The following HSF2 variants were observed in gnomAD, a reference collection of about 807,000 sequenced individuals.
The protein encoded by HSF2 is heat shock transcription factor 2, also known as heat shock factor protein 2.
Under a neutral mutation model 65.0 loss-of-function variants are expected in HSF2, and 21 were observed. That is an observed-to-expected ratio of 0.32 (90% CI 0.23 to 0.47). The LOEUF (loss-of-function observed/expected upper bound fraction) is 0.47, where lower values mean the gene tolerates loss of function less well. HSF2 is among the 20% of genes least tolerant of loss of function. The pLI, the probability that HSF2 is intolerant of heterozygous loss-of-function variation, is 1.00. For synonymous variants in HSF2, 225 were observed against 219.1 expected, an observed-to-expected ratio of 1.03 and a Z score of -0.24; for missense variants, 499 against 628.1, an observed-to-expected ratio of 0.79 and a Z score of 2.20.
Position 122,422,955 on chromosome 6 carries a change from A to C in HSF2, c.1068A>C (p.Gly356=), listed in dbSNP as rs757804166. 1.2e-6 allele frequency: 2 copies of C among 1,613,402 alleles called. No individual in the cohort carries two copies. The highest frequency in any genetic ancestry group is 2.2e-5 in the South Asian group (2 of 91,070). The change falls in exon 9 of 13, where the codon GGA becomes GGC. Residue 356 remains glycine, a splice_region_variant and synonymous_variant. Transcript: ENST00000368455. ...SILNDNINLL[G]KVELLDYLDS... ...TGAATGATAACATCAATCTTTTGGG[A>C]AAGTGAGTGCTTATCTAGATGTTGT...
In HSF2 at chr6:122,411,326, C is replaced by G. The variant is rs763403523; in HGVS notation, c.94-1047C>G. 4.6e-5 allele frequency among the ~76,000 whole-genome samples: 7 copies of G among 151,250 alleles called. No homozygotes were observed. The East Asian group carries it at 1.4e-3, about 29-fold the overall frequency. On this transcript the variant is annotated intron_variant, in intron 1 of 12. Coordinates refer to ENST00000368455, the MANE Select transcript of HSF2 (RefSeq NM_004506.4). ...GTTTGGGTTTTTTTTGTCTTTTGTT[C>G]TTTTTGAATTTTAAGAGTTATGTCT...
In HSF2 at chr6:122,432,179, C is replaced by A; in HGVS notation, c.1570C>A (p.Pro524Thr). Residue 524 changes from proline to threonine, a missense_variant, in exon 13 of 13, where the codon CCT becomes ACT. Transcript: ENST00000368455. Reference protein sequence around the residue: ...ATLFYLCELAPAPLDSDMPLL... With the variant: ...ATLFYLCELATAPLDSDMPLL... ...ACTGTTTTATTTATGTGAACTTGCT[C>A]CTGCACCTCTGGATAGTGATATGCC... 6.2e-7 allele frequency: 1 copy of A among 1,614,026 alleles called. No homozygotes were observed. The highest frequency in any genetic ancestry group is 8.5e-7 in the Non-Finnish European group (1 of 1,179,942).
Position 122,427,893 on chromosome 6 carries a change from G to A in HSF2, c.1177-10G>A. On this transcript the variant is annotated splice_polypyrimidine_tract_variant and intron_variant, in intron 10 of 12. Transcript: ENST00000368455. ...TTTAAACTTATCATCTTTCTTGTTT[G>A]GTCTTTCAGCTTTTCACTAGTTCTG... 1 of 1,577,150 alleles carries A rather than the reference G, an allele frequency of 6.3e-7. No homozygotes were observed. Among genetic ancestry groups the A allele is most frequent in the Non-Finnish European group, 8.7e-7 (1 of 1,154,716 alleles).
At chr6:122,414,143 C>T (rs1050515952) in intron 4 of HSF2, among the ~76,000 whole-genome samples, 3 of 152,146 alleles carry the variant, frequency 2.0e-5, no homozygotes, top group African/African-American at 4.8e-5. Flanking sequence ...ATACTTATTT[C>T]GTATAGACTT....
At position 122,427,881 on chromosome 6, in the gene HSF2, TCTTTC is replaced by T; in HGVS notation, c.1177-21_1177-17del. ...TTTTAATTATTTTTTAAACTTATCA[TCTTTC>T]TTGTTTGGTCTTTCAGCTTTTCACT... On this transcript the variant is annotated splice_polypyrimidine_tract_variant and intron_variant, in intron 10 of 12. Coordinates refer to ENST00000368455, the MANE Select transcript of HSF2 (RefSeq NM_004506.4). 6.4e-7 allele frequency: 1 copy of T among 1,559,964 alleles called. No homozygotes were observed. The highest frequency in any genetic ancestry group is 1.7e-5 in the Admixed American group (1 of 57,662).
chr6:122,423,338 A>G (rs967159682), intron 9 of HSF2, among the ~76,000 whole-genome samples: 16 of 152,166 alleles, frequency 1.1e-4, no homozygotes, highest in Non-Finnish European at 1.9e-4. Context: ...GAAAAAGGTA[A>G]ATCAGACTGT....
intron 11 of HSF2, among the ~76,000 whole-genome samples, chr6:122,428,963 A>G (rs1774398800): frequency 6.6e-6 from 1 of 152,058 alleles, no homozygotes; most frequent in Non-Finnish European, 1.5e-5. Context: ...GCTAGTAAAT[A>G]CTTTTGGTTT....
intron 11 of HSF2, among the ~76,000 whole-genome samples, 167 bp from the exon 12 acceptor site, chr6:122,431,263 T>G (rs1774459149): frequency 1.3e-5 from 2 of 152,160 alleles, no homozygotes; most frequent in African/African-American, 4.8e-5. Flanking sequence ...TTAACCAGTC[T>G]TGTTATCTCT....
chr6:122,430,830 G>T (rs1448184833), intron 11 of HSF2, among the ~76,000 whole-genome samples: 1 of 152,110 alleles, frequency 6.6e-6, no homozygotes, highest in Non-Finnish European at 1.5e-5. Context: ...CAGATGTGAG[G>T]AGAGAAGAAA....
At chr6:122,409,424 C>A (rs1202444934) in intron 1 of HSF2, among the ~76,000 whole-genome samples, 1 of 151,822 alleles carries the variant, frequency 6.6e-6, no homozygotes, top group African/African-American at 2.4e-5. Flanking sequence ...GTGGATGGTC[C>A]TGAATTGGAG....
In HSF2 at chr6:122,433,022, A is replaced by G. The variant is rs1774510778; in HGVS notation, c.*802A>G. ...TCACATGAAACAATTTTTTCTTCTCATAGGAAGCAGTAGCTTTAAACTGTC... is the reference window on the plus strand; with the variant it reads ...TCACATGAAACAATTTTTTCTTCTCGTAGGAAGCAGTAGCTTTAAACTGTC... On this transcript the variant is annotated 3_prime_UTR_variant, in exon 13 of 13. Coordinates refer to ENST00000368455, the MANE Select transcript of HSF2 (RefSeq NM_004506.4). 6.6e-6 allele frequency: 1 copy of G among 152,204 alleles called. No homozygotes were observed. Among genetic ancestry groups the G allele is most frequent in the Non-Finnish European group, 1.5e-5 (1 of 68,038 alleles). The allele number at this position is 152,204 out of a possible 1,614,324, so 9.4% of individuals were successfully genotyped here. A position where few individuals can be genotyped will look rare whatever the true frequency, so the allele number is the denominator to read the frequency against.
intron 1 of HSF2, among the ~76,000 whole-genome samples, chr6:122,401,327 A>G (rs1438481233): frequency 2.0e-5 from 3 of 152,188 alleles, no homozygotes; most frequent in African/African-American, 7.2e-5. Flanking sequence ...ATCAGTACAG[A>G]CTGTTACTCA....
intron 10 of HSF2, 94 bp from the exon 11 acceptor site, chr6:122,427,809 A>G (rs1266030651): frequency 2.6e-5 from 20 of 783,372 alleles, no homozygotes; most frequent in Non-Finnish European, 4.2e-5. Context: ...CAGGGGCTAC[A>G]TCTCTTCACC....
chr6:122,431,625 A>G (rs1774470798), intron 12 of HSF2, 111 bp downstream of exon 12: 1 of 574,622 alleles, frequency 1.7e-6, no homozygotes, highest in Admixed American at 3.2e-5. Flanking sequence ...TTCTGTGAAT[A>G]GTGTGTCGAG....
chr6:122,432,993 A>T lies in HSF2; in HGVS notation c.*773A>T. 6.6e-6 allele frequency: 1 copy of T among 152,174 alleles called. No individual in the cohort carries two copies. Among genetic ancestry groups the T allele is most frequent in the South Asian group, 2.1e-4 (1 of 4,828 alleles). 9.4% of individuals were successfully genotyped at this position (152,174 alleles called of 1,614,324 possible). A position where few individuals can be genotyped will look rare whatever the true frequency, so the allele number is the denominator to read the frequency against. On this transcript the variant is annotated 3_prime_UTR_variant, in exon 13 of 13. Transcript: ENST00000368455. ...CTGTTATGTGTCTTCTTTAGAGGTGACACTCACATGAAACAATTTTTTCTT... is the reference window on the plus strand; with the variant it reads ...CTGTTATGTGTCTTCTTTAGAGGTGTCACTCACATGAAACAATTTTTTCTT...
intron 6 of HSF2, among the ~76,000 whole-genome samples, chr6:122,419,924 A>T (rs1389767107): frequency 1.3e-5 from 2 of 152,208 alleles, no homozygotes; most frequent in Non-Finnish European, 2.9e-5. Flanking sequence ...AAAAGAGTGT[A>T]GAAAAGTGGA....
chr6:122,424,101 A>G (rs1282647018), intron 10 of HSF2, among the ~76,000 whole-genome samples: 1 of 152,066 alleles, frequency 6.6e-6, no homozygotes, highest in Non-Finnish European at 1.5e-5. Context: ...TTTTTACTCA[A>G]ATATGTTTTA....
intron 10 of HSF2, among the ~76,000 whole-genome samples, chr6:122,427,008 C>T (rs1315150867): frequency 2.0e-5 from 3 of 151,994 alleles, no homozygotes. Context: ...CAAGTTCTAA[C>T]CTAATATTCT....
chr6:122,413,320 A>C (rs1057271909), intron 3 of HSF2, among the ~76,000 whole-genome samples: 1 of 77,956 alleles, frequency 1.3e-5, no homozygotes, highest in Non-Finnish European at 2.8e-5. Context: ...ACATTAAAAA[A>C]AAATTTTTTT....
Sources: gnomAD v4.1 joint callset for allele counts (sites outside exome capture counted in the v4.1 genomes callset) on GRCh38, gnomAD v4.1.1 for gene constraint, MANE v1.5 for transcripts, NCBI Gene and HGNC (gene_info 2026-07-23, HGNC 2026-07-21) for gene names.